Variants in ANKRD11 observed in about 807,000 individuals in gnomAD.
The protein encoded by ANKRD11 is ankyrin repeat domain 11, also known as ankyrin repeat domain-containing protein 11.
ANKRD11 carries 17 observed loss-of-function variants against 195.7 expected under a neutral mutation model. The ratio of observed to expected loss-of-function variants is 0.09; its 90% CI spans 0.06 to 0.13. ANKRD11 has a LOEUF of 0.13. Among genes scored for constraint, ANKRD11 ranks in the 10% least tolerant of loss-of-function variants. The pLI is 1.00. For missense variants in ANKRD11, 3,735 were observed against 3,566.1 expected (o/e 1.05, Z -1.21); for synonymous variants, 1,953 against 1,528.1 (o/e 1.28, Z -6.49).
At chr16:89,430,291 C>G (rs1230772712) in intron 1 of ANKRD11, among the ~76,000 whole-genome samples, 3 of 140,866 alleles carry the variant, frequency 2.1e-5, no homozygotes, top group Non-Finnish European at 4.6e-5. Flanking sequence ...CTCAGTCGTT[C>G]TAGTACACAG....
At chr16:89,317,650 G>C (rs991929070) in intron 2 of ANKRD11, among the ~76,000 whole-genome samples, 10 of 152,166 alleles carry the variant, frequency 6.6e-5, no homozygotes, top group African/African-American at 2.4e-4. Flanking sequence ...CAGCAGCTCC[G>C]AGGTCCCAAC....
At chr16:89,445,398 G>A (rs1406285806) in intron 1 of ANKRD11, among the ~76,000 whole-genome samples, 1 of 152,058 alleles carries the variant, frequency 6.6e-6, no homozygotes, top group Non-Finnish European at 1.5e-5. Context: ...TCTCCTTGGG[G>A]CGTAAGATGC....
At chr16:89,301,584 C>T in intron 4 of ANKRD11, 2 of 398,812 alleles carry the variant, frequency 5.0e-6, no homozygotes, top group Non-Finnish European at 8.8e-6. Context: ...CTCCTTGCTG[C>T]ACCCACAGCC....
intron 2 of ANKRD11, among the ~76,000 whole-genome samples, chr16:89,394,554 G>T (rs2041340712): frequency 6.6e-6 from 1 of 152,012 alleles, no homozygotes; most frequent in African/African-American, 2.4e-5. Flanking sequence ...CTTGAACCCA[G>T]GAGGCGGAGG....
intron 1 of ANKRD11, among the ~76,000 whole-genome samples, chr16:89,465,267 A>T (rs2056843448): frequency 6.6e-6 from 1 of 152,248 alleles, no homozygotes; most frequent in African/African-American, 2.4e-5. Context: ...GATGCTAACC[A>T]ATATAAAAAA....
At chr16:89,389,806 C>T (rs1476210232) in intron 2 of ANKRD11, among the ~76,000 whole-genome samples, 6 of 128,416 alleles carry the variant, frequency 4.7e-5, no homozygotes, top group Middle Eastern at 5.3e-3. Context: ...CGGGGAGCAC[C>T]GAGAGAGAAG....
chr16:89,323,173 G>C (rs995813607), intron 2 of ANKRD11: 6 of 511,752 alleles, frequency 1.2e-5, no homozygotes, highest in Admixed American at 2.8e-5. Context: ...CAGGAGTGGT[G>C]CCTTGTGCAC....
rs551546429 is a variant in ANKRD11, at chr16:89,341,872, C to T, written c.-59-24794G>A. Among the ~76,000 whole-genome samples the T allele has an allele frequency of 7.0e-4, 102 of 145,816 alleles. 1 individual carries two copies. Among genetic ancestry groups the T allele is most frequent in the African/African-American group, 2.4e-3 (95 of 39,682 alleles). ...GCTGCACCTCCACCCACAGCGGCCA[C>T]GGCCCACGGCAGGAGTGCTGCACCT... On this transcript the variant is annotated intron_variant, in intron 2 of 12. Coordinates refer to ENST00000301030, the MANE Select transcript of ANKRD11 (RefSeq NM_013275.6).
intron 1 of ANKRD11, among the ~76,000 whole-genome samples, chr16:89,462,118 C>A (rs778726125): frequency 6.6e-6 from 1 of 151,580 alleles, no homozygotes; most frequent in Non-Finnish European, 1.5e-5. Flanking sequence ...CACGGTCTCC[C>A]TCTCATGCTG....
At chr16:89,478,012 A>T (rs1014206785) in intron 1 of ANKRD11, among the ~76,000 whole-genome samples, 2 of 152,224 alleles carry the variant, frequency 1.3e-5, no homozygotes, top group Non-Finnish European at 2.9e-5. Flanking sequence ...CTTGGTATGT[A>T]TTCTTTCTAT....
intron 11 of ANKRD11, chr16:89,271,828 G>C (rs1163333391): frequency 6.6e-6 from 1 of 152,076 alleles, no homozygotes; most frequent in African/African-American, 2.4e-5. Context: ...CCAGGACATT[G>C]GCCTGGGCAA....
intron 1 of ANKRD11, among the ~76,000 whole-genome samples, chr16:89,446,325 C>T (rs893695889): frequency 6.6e-6 from 1 of 152,138 alleles, no homozygotes; most frequent in Non-Finnish European, 1.5e-5. Context: ...CTGAGGTGGA[C>T]GGGCGCAGTG....
At chr16:89,305,660 C>A (rs558621183) in intron 3 of ANKRD11, among the ~76,000 whole-genome samples, 1 of 150,958 alleles carries the variant, frequency 6.6e-6, no homozygotes, top group Admixed American at 6.6e-5. Context: ...TCCGCAGACA[C>A]GCGCTACCTC....
chr16:89,421,195 G>C (rs529123968), intron 1 of ANKRD11, among the ~76,000 whole-genome samples: 26 of 101,724 alleles, frequency 2.6e-4, no homozygotes, highest in East Asian at 1.3e-3. Flanking sequence ...GGGGGTGGGG[G>C]TGAGACACGA....
chr16:89,341,832 G>C (rs946586028), intron 2 of ANKRD11, among the ~76,000 whole-genome samples: 10 of 152,022 alleles, frequency 6.6e-5, no homozygotes, highest in Non-Finnish European at 2.9e-5. Context: ...AGCAGCCACG[G>C]CCCACGGCGG....
intron 1 of ANKRD11, among the ~76,000 whole-genome samples, chr16:89,472,460 C>G (rs1168019461): frequency 3.9e-5 from 6 of 152,204 alleles, no homozygotes; most frequent in African/African-American, 1.4e-4. Context: ...AGCAGCAAGG[C>G]TGGAAAAGCT....
intron 1 of ANKRD11, among the ~76,000 whole-genome samples, chr16:89,460,605 C>T (rs1443384327): frequency 6.6e-6 from 1 of 152,092 alleles, no homozygotes; most frequent in East Asian, 1.9e-4. Context: ...GGCACAGCAG[C>T]TCACGCATGT....
In ANKRD11 at chr16:89,324,252, T is replaced by C; in HGVS notation, c.-59-7174A>G. The C allele has an allele frequency of 3.3e-6, 4 of 1,218,316 alleles. 1 individual carries two copies. The highest frequency in any genetic ancestry group is 4.2e-6 in the Non-Finnish European group (4 of 954,228). 75.5% of individuals were successfully genotyped at this position (1,218,316 alleles called of 1,614,324 possible). A position where few individuals can be genotyped will look rare whatever the true frequency, so the allele number is the denominator to read the frequency against. On this transcript the variant is annotated intron_variant, in intron 2 of 12. Coordinates refer to ENST00000301030, the MANE Select transcript of ANKRD11 (RefSeq NM_013275.6). ...GCCCCTCAGACACATGCTTGGTCAC[T>C]GGGCTGTGGAACATACAGGAGCCCC...
chr16:89,276,269 C>T (rs898050552), intron 9 of ANKRD11, among the ~76,000 whole-genome samples: 3 of 152,222 alleles, frequency 2.0e-5, no homozygotes, highest in South Asian at 2.1e-4. Context: ...CTCCAGTTAG[C>T]GGACACAGGA....
Sources: allele counts gnomAD v4.1 joint callset (sites outside exome capture counted in the v4.1 genomes callset), GRCh38; gene constraint gnomAD v4.1.1; transcripts MANE v1.5; gene names NCBI Gene and HGNC (gene_info 2026-07-23, HGNC 2026-07-21).